PMPCA: variants seen among roughly 807,000 people sequenced by gnomAD.
PMPCA encodes the protein peptidase, mitochondrial processing subunit alpha, also known as mitochondrial-processing peptidase subunit alpha.
In PMPCA, 47 loss-of-function variants were observed where a neutral mutation model predicts 59.3. That is an observed-to-expected ratio of 0.79 (90% CI 0.63 to 1.01). The LOEUF is 1.01. PMPCA is among the 50% of genes least tolerant of loss of function. The pLI, the probability that PMPCA is intolerant of heterozygous loss-of-function variation, is 0.00. For missense variants in PMPCA, 726 were observed against 704.5 expected, an observed-to-expected ratio of 1.03 and a Z score of -0.34; for synonymous variants, 338 against 290.3, an observed-to-expected ratio of 1.16 and a Z score of -1.67.
intron 9 of PMPCA, 39 bp from the exon 10 acceptor site, chr9:136,418,789 C>T (rs145842874): frequency 5.0e-5 from 77 of 1,544,694 alleles, no homozygotes; most frequent in Non-Finnish European, 6.6e-5. Flanking sequence ...CTGATCCTGG[C>T]GAGTCCCCTT....
intron 11 of PMPCA, among the ~76,000 whole-genome samples, chr9:136,421,568 C>T (rs576171366): frequency 6.6e-6 from 1 of 152,068 alleles, no homozygotes; most frequent in Non-Finnish European, 1.5e-5. Context: ...CGCCACCACG[C>T]CCAGCTAATT....
intron 4 of PMPCA, 40 bp downstream of exon 4, chr9:136,412,932 G>A (rs777428813): frequency 1.7e-6 from 2 of 1,148,756 alleles, no homozygotes; most frequent in South Asian, 1.2e-5. Context: ...TTGGGTCCTT[G>A]GGAACTGACG....
At position 136,412,742 on chromosome 9, in the gene PMPCA, T is replaced by TA. The variant is rs3841202; in HGVS notation, c.355-59dup. On this transcript the variant is annotated intron_variant, in intron 3 of 12. Coordinates refer to ENST00000371717, the MANE Select transcript of PMPCA (RefSeq NM_015160.3). The stretch of plus-strand genomic sequence containing the variant: ...GTGTGTTAAAAGCAAAAGTAGATTT[T>TA]AAAAAAAAATTGTGTTTCAGGGATA... The TA allele has an allele frequency of 0.15, 154,129 of 996,764 alleles. 12,284 individuals carry two copies. The highest frequency in any genetic ancestry group is 0.24 in the Admixed American group (11,494 of 47,800). 61.7% of individuals were successfully genotyped at this position (996,764 alleles called of 1,614,324 possible). A position where few individuals can be genotyped will look rare whatever the true frequency, so the allele number is the denominator to read the frequency against.
intron 4 of PMPCA, 21 bp from the exon 5 acceptor site, chr9:136,414,532 T>C (rs1276533457): frequency 6.5e-7 from 1 of 1,541,822 alleles, no homozygotes; most frequent in Non-Finnish European, 9.0e-7. Flanking sequence ...CCTGGCATTA[T>C]GGGCTTGTGT....
At position 136,423,282 on chromosome 9, in the gene PMPCA, A is replaced by G; in HGVS notation, c.*18A>G. 1.2e-6 allele frequency: 2 copies of G among 1,604,156 alleles called. No homozygotes were observed. The highest frequency in any genetic ancestry group is 1.7e-6 in the Non-Finnish European group (2 of 1,174,634). ...TCCGGTAGAACCGCTCCCCGGCCTG[A>G]CAGACCCAGGGAGCTGCAGCTGGAG... On this transcript the variant is annotated 3_prime_UTR_variant, in exon 13 of 13. Transcript: ENST00000371717.
rs1362177061 is a variant in PMPCA at position 136,417,271 on chromosome 9, G to A, written c.897+57G>A. ...GTGGGGAACACGTCCCCTGGCCCGT[G>A]GTGTGACCTGTTTTTGTATTGATTC... On this transcript the variant is annotated intron_variant, in intron 7 of 12. Transcript: ENST00000371717. 7.6e-6 allele frequency: 11 copies of A among 1,439,612 alleles called. No homozygotes were observed. The South Asian group carries it at 1.5e-4, about 19-fold the overall frequency. 89.2% of individuals were successfully genotyped at this position (1,439,612 alleles called of 1,614,324 possible).
At chr9:136,421,511 G>A (rs1481578400) in intron 11 of PMPCA, among the ~76,000 whole-genome samples, 1 of 149,820 alleles carries the variant, frequency 6.7e-6, no homozygotes, top group Non-Finnish European at 1.5e-5. Flanking sequence ...CCGGGTTCAT[G>A]CCATTCTCCC....
chr9:136,413,614 C>T (rs941796841), intron 4 of PMPCA, among the ~76,000 whole-genome samples: 1 of 152,036 alleles, frequency 6.6e-6, no homozygotes, highest in African/African-American at 2.4e-5. Context: ...CTCTTAATAC[C>T]CCCTGACTCC....
At position 136,418,842 on chromosome 9, in the gene PMPCA, A is replaced by G; in HGVS notation, c.1124A>G (p.Tyr375Cys). The G allele has an allele frequency of 1.2e-6, 2 of 1,612,572 alleles. No homozygotes were observed. Among genetic ancestry groups the G allele is most frequent in the Non-Finnish European group, 1.7e-6 (2 of 1,179,474 alleles). ...LNVLNRHHWM[Y>C]NATSYHHSYE... The stretch of plus-strand genomic sequence containing the variant: ...CTTCCTCCCAGGCACCACTGGATGT[A>G]TAACGCGACCTCCTACCACCACAGC... The change falls in exon 10 of 13, where the codon TAT (tyrosine) becomes TGT (cysteine). Residue 375 changes from tyrosine to cysteine, a missense_variant. Physicochemically the swap from Tyr to Cys is radical, Grantham distance 194. Transcript: ENST00000371717.
chr9:136,410,804 C>G (rs983261732), intron 1 of PMPCA, 65 bp downstream of exon 1: 59 of 1,282,598 alleles, frequency 4.6e-5, no homozygotes, highest in Non-Finnish European at 5.7e-5. Flanking sequence ...CTGGACGCTC[C>G]GTCTTCGGTT....
intron 5 of PMPCA, among the ~76,000 whole-genome samples, chr9:136,415,096 AAAG>A (rs1835237110): frequency 6.6e-6 from 1 of 152,152 alleles, no homozygotes; most frequent in African/African-American, 2.4e-5. Flanking sequence ...TCAAAAAAAG[AAAG>A]AAAGGAAAAA....
chr9:136,423,237 GC>G lies in PMPCA; in HGVS notation c.1554del (p.Arg519GlyfsTer36). The G allele has an allele frequency of 6.2e-7, 1 of 1,613,196 alleles. No homozygotes were observed. Among genetic ancestry groups the G allele is most frequent in the South Asian group, 1.1e-5 (1 of 91,088 alleles). ...CCCTGTCGAGTAAGGACGGGCGCCT[GC>G]CCAGGACGTACCGGCTCTTCCGGTA... is the stretch of plus-strand genomic sequence containing the variant. ...TALSSKDGRLPRTYRLFR is the reference protein window; with the variant it reads ...TALSSKDGRLXRTYRLFR On this transcript the variant is annotated frameshift_variant, in exon 13 of 13. Coordinates refer to ENST00000371717, the MANE Select transcript of PMPCA (RefSeq NM_015160.3). LOFTEE classifies it high-confidence loss of function.
Position 136,412,052 on chromosome 9 carries a change from C to G in PMPCA, c.127C>G (p.Pro43Ala). The change falls in exon 2 of 13, where the codon CCC (proline) becomes GCC (alanine). Residue 43 changes from proline to alanine, a missense_variant. By Grantham distance (27) the Pro-to-Ala change is conservative (BLOSUM62 -1). Transcript: ENST00000371717. ...FSSGGAYPNIPLSSPLPGVPK... is the reference protein window; with the variant it reads ...FSSGGAYPNIALSSPLPGVPK... ...TAGTGGTGGTGCCTATCCCAACATC[C>G]CCCTCTCTTCTCCCTTACCTGGAGT... is the stretch of plus-strand genomic sequence containing the variant. The G allele has an allele frequency of 6.2e-7, 1 of 1,613,368 alleles. No homozygotes were observed. The highest frequency in any genetic ancestry group is 2.2e-5 in the East Asian group (1 of 44,880).
intron 1 of PMPCA, 56 bp downstream of exon 1, chr9:136,410,795 TG>T: frequency 1.5e-6 from 2 of 1,313,658 alleles, no homozygotes; most frequent in Non-Finnish European, 2.0e-6. Context: ...CGAGTCTTTC[TG>T]GACGCTCCGT....
In PMPCA at chr9:136,423,272, C is replaced by A; in HGVS notation, c.*8C>A. 6.2e-7 allele frequency: 1 copy of A among 1,607,124 alleles called. No individual in the cohort carries two copies. The highest frequency in any genetic ancestry group is 8.5e-7 in the Non-Finnish European group (1 of 1,176,448). ...TACCGGCTCTTCCGGTAGAACCGCT[C>A]CCCGGCCTGACAGACCCAGGGAGCT... On this transcript the variant is annotated 3_prime_UTR_variant, in exon 13 of 13. Coordinates refer to ENST00000371717, the MANE Select transcript of PMPCA (RefSeq NM_015160.3).
chr9:136,418,569 C>T lies in PMPCA; in HGVS notation c.1005C>T (p.Ile335=), dbSNP rs1406167357. 2 of 1,610,664 alleles carry T rather than the reference C, an allele frequency of 1.2e-6. No individual in the cohort carries two copies. The highest frequency in any genetic ancestry group is 1.3e-5 in the African/African-American group (1 of 74,994). The change falls in exon 9 of 13, where the codon ATC becomes ATT. Residue 335 remains isoleucine, a synonymous_variant. Transcript: ENST00000371717. The part of the protein sequence containing the change: ...ESCSFLEEDF[I]PFAVLNMMMG... ...CGTCCCTGCAGGAGGAGGACTTCATCCCCTTTGCAGTGTTGAACATGATGA... is the reference window on the plus strand; with the variant it reads ...CGTCCCTGCAGGAGGAGGACTTCATTCCCTTTGCAGTGTTGAACATGATGA...
chr9:136,421,584 T>C (rs1835452451), intron 11 of PMPCA, among the ~76,000 whole-genome samples: 1 of 151,984 alleles, frequency 6.6e-6, no homozygotes, highest in Non-Finnish European at 1.5e-5. Context: ...TAATTTCTTT[T>C]TGTATTTTTA....
At chr9:136,416,521 T>C (rs1194071012) in intron 6 of PMPCA, 130 bp downstream of exon 6, 1 of 730,652 alleles carries the variant, frequency 1.4e-6, no homozygotes, top group Non-Finnish European at 2.4e-6. Context: ...ATTTTTTTGT[T>C]TTTTGAGATG....
intron 6 of PMPCA, 173 bp downstream of exon 6, chr9:136,416,564 A>G: frequency 1.5e-6 from 1 of 668,408 alleles, no homozygotes; most frequent in Middle Eastern, 3.3e-4. Context: ...CTGGTCTTGC[A>G]CTCCTGGGCT....
Sources: allele counts gnomAD v4.1 joint callset (sites outside exome capture counted in the v4.1 genomes callset), GRCh38; gene constraint gnomAD v4.1.1; transcripts MANE v1.5; gene names NCBI Gene and HGNC (gene_info 2026-07-23, HGNC 2026-07-21).